The following GAS7 variants were observed in gnomAD, a reference collection of about 807,000 sequenced individuals.
GAS7 encodes the protein growth arrest specific 7.
GAS7 carries 28 observed loss-of-function variants against 71.1 expected under a neutral mutation model. The ratio of observed to expected loss-of-function variants is 0.39; its 90% CI spans 0.29 to 0.54. The LOEUF (loss-of-function observed/expected upper bound fraction) is 0.54. Among genes scored for constraint, GAS7 ranks in the 20% least tolerant of loss-of-function variants. The probability of loss-of-function intolerance (pLI) is 0.62; values close to 1 mark genes in which losing one functional copy is unlikely to be tolerated. For missense variants in GAS7, 436 were observed against 627.8 expected, an observed-to-expected ratio of 0.69 and a Z score of 3.27; for synonymous variants, 258 against 245.8, an observed-to-expected ratio of 1.05 and a Z score of -0.46.
At chr17:10,078,408 G>C (rs988380328) in intron 1 of GAS7, among the ~76,000 whole-genome samples, 4 of 152,134 alleles carry the variant, frequency 2.6e-5, no homozygotes, top group African/African-American at 9.7e-5. Flanking sequence ...AGTTTTTAAA[G>C]GGCTAGTGAA....
chr17:10,152,529 C>T (rs137934367), intron 1 of GAS7, among the ~76,000 whole-genome samples: 102 of 152,314 alleles, frequency 6.7e-4, no homozygotes, highest in African/African-American at 2.4e-3. Context: ...CCCACCTAGA[C>T]CGAGTGACTC....
At position 9,959,242 on chromosome 17, in the gene GAS7, G is replaced by A. The variant is rs145998834; in HGVS notation, c.485C>T (p.Ser162Leu). 2.5e-6 allele frequency: 4 copies of A among 1,614,034 alleles called. No individual in the cohort carries two copies. In the African/African-American group the frequency reaches 5.3e-5, roughly 22 times the overall value. The change falls in exon 5 of 14, where the codon TCA (serine) becomes TTA (leucine). Residue 162 changes from serine (S) to leucine (L), a missense_variant. Physicochemically the swap from Ser to Leu is moderately radical, Grantham distance 145. Transcript: ENST00000432992. This position sits in a 1 kb window ranked among gnomAD's most constrained non-coding sequence, Gnocchi z 5.0. ...CTTGCTCTGCTTTTTGCTTGGCGAT[G>A]AGGATCCCAGGTTCTGGGGAGAGAG... ...STGDSQNLGS[S>L]SPSKKQSKEN...
At chr17:10,022,907 G>A (rs1485401920) in intron 1 of GAS7, among the ~76,000 whole-genome samples, 1 of 152,230 alleles carries the variant, frequency 6.6e-6, no homozygotes, top group Non-Finnish European at 1.5e-5. Context: ...GCGTTCTGGT[G>A]AGAGGGCTGG....
chr17:10,173,644 A>G (rs908698147), intron 1 of GAS7, among the ~76,000 whole-genome samples: 1 of 152,090 alleles, frequency 6.6e-6, no homozygotes, highest in African/African-American at 2.4e-5. Flanking sequence ...AGCGGGTGCC[A>G]GTAGTCCCAG....
chr17:9,979,216 T>C (rs1424086572), intron 3 of GAS7, among the ~76,000 whole-genome samples: 1 of 152,210 alleles, frequency 6.6e-6, no homozygotes, highest in Non-Finnish European at 1.5e-5. Context: ...TCCTTCTTCA[T>C]CCTCCTTCAT....
intron 2 of GAS7, among the ~76,000 whole-genome samples, chr17:10,013,193 CCAGAAAG>C (rs1422073398): frequency 2.0e-5 from 3 of 152,016 alleles, no homozygotes; most frequent in Non-Finnish European, 4.4e-5. Context: ...TTCTTATGAA[CCAGAAAG>C]CAGGCCCACA....
chr17:10,184,002 C>T (rs2074435223), intron 1 of GAS7, among the ~76,000 whole-genome samples: 1 of 152,166 alleles, frequency 6.6e-6, no homozygotes, highest in East Asian at 1.9e-4. Flanking sequence ...GTTGTCTAAG[C>T]TGTCCATACT....
intron 1 of GAS7, among the ~76,000 whole-genome samples, chr17:10,164,190 C>T (rs976330176): frequency 6.6e-6 from 1 of 152,120 alleles, no homozygotes; most frequent in African/African-American, 2.4e-5. Context: ...CGTCTATAAT[C>T]CCAGCACTTT....
chr17:10,100,747 A>C (rs2073690649), intron 1 of GAS7, among the ~76,000 whole-genome samples: 1 of 152,188 alleles, frequency 6.6e-6, no homozygotes, highest in African/African-American at 2.4e-5. Context: ...GAAAGACTCT[A>C]AAGTCTTTAG....
intron 1 of GAS7, among the ~76,000 whole-genome samples, chr17:10,045,766 CCT>C (rs2072945313): frequency 6.6e-6 from 1 of 152,166 alleles, no homozygotes; most frequent in Non-Finnish European, 1.5e-5. Flanking sequence ...TCCAAACAGC[CCT>C]GATTCTAAGA....
Position 9,916,270 on chromosome 17 carries a change from C to T in GAS7, c.*958G>A, listed in dbSNP as rs1374365618. 8.6e-6 allele frequency: 2 copies of T among 233,066 alleles called. No homozygotes were observed. Among genetic ancestry groups the T allele is most frequent in the Non-Finnish European group, 1.7e-5 (2 of 118,012 alleles). The allele number at this position is 233,066 out of a possible 1,614,324, so 14.4% of individuals were successfully genotyped here. ...CATTAAGAGCCTGTGGTGGGCGGCC[C>T]GGGAGAGTGGGGGCCAGGGCAGCCC... On this transcript the variant is annotated 3_prime_UTR_variant, in exon 14 of 14. Transcript: ENST00000432992.
chr17:10,096,378 G>T (rs966131933), intron 1 of GAS7, among the ~76,000 whole-genome samples: 1 of 152,156 alleles, frequency 6.6e-6, no homozygotes, highest in Non-Finnish European at 1.5e-5. Flanking sequence ...CCCCTCTTCT[G>T]TTTGCCAGGG....
chr17:9,966,244 T>C (rs942545678), intron 4 of GAS7, among the ~76,000 whole-genome samples: 1 of 151,852 alleles, frequency 6.6e-6, no homozygotes, highest in Non-Finnish European at 1.5e-5. Context: ...CTGATCTGCC[T>C]GCCTCGGCCT....
At chr17:9,950,962 C>A (rs1449300330) in intron 5 of GAS7, among the ~76,000 whole-genome samples, 1 of 152,120 alleles carries the variant, frequency 6.6e-6, no homozygotes. Flanking sequence ...GGAGTTTTCT[C>A]CCAGGCCTCA....
intron 3 of GAS7, among the ~76,000 whole-genome samples, chr17:9,980,745 G>A (rs1567850498): frequency 6.6e-6 from 1 of 152,214 alleles, no homozygotes; most frequent in South Asian, 2.1e-4. Context: ...GTCTAGCATG[G>A]GAGAGTGAAG....
chr17:10,125,461 G>T (rs2073937121), intron 1 of GAS7, among the ~76,000 whole-genome samples: 1 of 148,744 alleles, frequency 6.7e-6, no homozygotes, highest in Non-Finnish European at 1.5e-5. Context: ...ATGTTGCTGT[G>T]AGCCAAGATG....
At chr17:10,017,172 A>ATAAAT (rs2072066811) in intron 2 of GAS7, among the ~76,000 whole-genome samples, 1 of 149,002 alleles carries the variant, frequency 6.7e-6, no homozygotes, top group Admixed American at 6.6e-5. Flanking sequence ...AAATAAATAA[A>ATAAAT]TAAATAAAGA....
intron 1 of GAS7, among the ~76,000 whole-genome samples, chr17:10,059,510 G>A (rs1315655600): frequency 4.6e-5 from 7 of 152,106 alleles, no homozygotes; most frequent in South Asian, 2.1e-4. Context: ...ACTGATACAC[G>A]GGAAGACAGA....
chr17:9,917,696 G>T (rs1159812003), intron 13 of GAS7, among the ~76,000 whole-genome samples: 5 of 152,042 alleles, frequency 3.3e-5, no homozygotes, highest in African/African-American at 1.2e-4. Flanking sequence ...TGTTTTTTTT[G>T]GTTTTGTTTT....
Sources: allele counts gnomAD v4.1 joint callset (sites outside exome capture counted in the v4.1 genomes callset), GRCh38; gene constraint gnomAD v4.1.1; non-coding constraint Gnocchi (gnomAD v3.1); transcripts MANE v1.5; gene names NCBI Gene and HGNC (gene_info 2026-07-23, HGNC 2026-07-21).